TBC1D9: variants seen among roughly 807,000 people sequenced by gnomAD.
TBC1D9 encodes TBC1 domain family member 9A.
TBC1D9 carries 63 observed loss-of-function variants against 132.0 expected under a neutral mutation model. The ratio of observed to expected loss-of-function variants is 0.48; its 90% CI spans 0.39 to 0.59. The LOEUF (loss-of-function observed/expected upper bound fraction) is 0.59, where lower values mean the gene tolerates loss of function less well. Among genes scored for constraint, TBC1D9 ranks in the 20% least tolerant of loss-of-function variants. The pLI is 0.00. For missense variants in TBC1D9, 1,261 were observed against 1,592.7 expected (o/e 0.79, Z 3.54); for synonymous variants, 610 against 609.9 (o/e 1.00, Z 0.00).
rs533070514 is a variant in TBC1D9, at chr4:140,623,006, A to T, written c.3079-89T>A. On this transcript the variant is annotated intron_variant, in intron 20 of 20. Transcript: ENST00000442267. ...TGGACTGTAAAGCCATTTAAATGAG[A>T]ACGCCTAAAGATCCCTGGAAAGTCC... 14 of 1,407,242 alleles carry T rather than the reference A, an allele frequency of 9.9e-6. No homozygotes were observed. The South Asian group carries it at 2.1e-4, about 21-fold the overall frequency. The allele number at this position is 1,407,242 out of a possible 1,614,324, so 87.2% of individuals were successfully genotyped here. A position where few individuals can be genotyped will look rare whatever the true frequency, so the allele number is the denominator to read the frequency against.
intron 1 of TBC1D9, among the ~76,000 whole-genome samples, chr4:140,729,753 G>A (rs1011732546): frequency 7.1e-6 from 1 of 141,512 alleles, no homozygotes; most frequent in Non-Finnish European, 1.5e-5. Flanking sequence ...CCCGGAGGCA[G>A]AGGTTGCAAT....
At chr4:140,698,553 G>A (rs1238355915) in intron 2 of TBC1D9, among the ~76,000 whole-genome samples, 1 of 152,118 alleles carries the variant, frequency 6.6e-6, no homozygotes, top group African/African-American at 2.4e-5. Context: ...TTCGAGACCA[G>A]CCTGACCAAC....
chr4:140,704,574 T>A (rs982110680), intron 1 of TBC1D9, among the ~76,000 whole-genome samples: 1 of 151,928 alleles, frequency 6.6e-6, no homozygotes, highest in African/African-American at 2.4e-5. Flanking sequence ...ACAGGGGCAG[T>A]CCTGGTTCTA....
At chr4:140,689,636 T>C (rs1411325846) in intron 2 of TBC1D9, among the ~76,000 whole-genome samples, 2 of 15,764 alleles carry the variant, frequency 1.3e-4, no homozygotes, top group African/African-American at 2.7e-4. Context: ...TCCCTCCCCT[T>C]CCCTCTCCCC....
intron 1 of TBC1D9, among the ~76,000 whole-genome samples, chr4:140,725,769 C>T (rs1249336309): frequency 6.6e-6 from 1 of 152,002 alleles, no homozygotes; most frequent in Non-Finnish European, 1.5e-5. Context: ...TATGGAAAAA[C>T]CTTTTTGTAC....
In TBC1D9 at chr4:140,624,126, T is replaced by C. The variant is rs541388520; in HGVS notation, c.3068A>G (p.Lys1023Arg). Residue 1023 changes from lysine to arginine, a missense_variant, in exon 20 of 21, where the codon AAA becomes AGA. This residue lies in a region of TBC1D9 where 618 missense variants were observed against 724.4 expected (regional missense o/e 0.85). Transcript: ENST00000442267. ...ACTTTAAGCACTTACCTGATTTAAT[T>C]TGGGTAAATCCTTTGCATTCTTTGA... ...SKSKNAKDLPKLNQGQFIELC... is the reference protein window; with the variant it reads ...SKSKNAKDLPRLNQGQFIELC... 3.1e-6 allele frequency: 5 copies of C among 1,606,064 alleles called. No homozygotes were observed. The East Asian group carries it at 1.1e-4, about 36-fold the overall frequency.
At chr4:140,747,399 AG>A (rs1311903282) in intron 1 of TBC1D9, among the ~76,000 whole-genome samples, 1 of 152,102 alleles carries the variant, frequency 6.6e-6, no homozygotes, top group East Asian at 1.9e-4. Context: ...CACACTTATT[AG>A]GTGTGGGACC....
intron 2 of TBC1D9, among the ~76,000 whole-genome samples, chr4:140,700,060 G>A (rs1303506517): frequency 6.6e-6 from 1 of 152,126 alleles, no homozygotes; most frequent in African/African-American, 2.4e-5. Flanking sequence ...ACTTTGGGAA[G>A]CCAAAGCAGG....
chr4:140,666,119 G>T (rs1737440092), intron 9 of TBC1D9, among the ~76,000 whole-genome samples: 1 of 152,150 alleles, frequency 6.6e-6, no homozygotes, highest in Non-Finnish European at 1.5e-5. Context: ...ATAATATTTG[G>T]CCATAAAAAG....
intron 12 of TBC1D9, 29 bp downstream of exon 12, chr4:140,657,498 G>T: frequency 6.3e-7 from 1 of 1,580,598 alleles, no homozygotes; most frequent in East Asian, 2.2e-5. Context: ...AACCGGAGAT[G>T]GTTTTCAAAG....
chr4:140,748,430 A>G (rs1029496383), intron 1 of TBC1D9, among the ~76,000 whole-genome samples: 2 of 152,184 alleles, frequency 1.3e-5, no homozygotes, highest in Non-Finnish European at 2.9e-5. Context: ...AGGAAAGGCC[A>G]TATTTGGAGA....
intron 3 of TBC1D9, among the ~76,000 whole-genome samples, chr4:140,681,822 A>C (rs1369369682): frequency 6.6e-6 from 1 of 152,200 alleles, no homozygotes; most frequent in East Asian, 1.9e-4. Flanking sequence ...TTCCCAAGTC[A>C]ACCTTTCCAG....
At chr4:140,755,273 G>T (rs771677263) in intron 1 of TBC1D9, among the ~76,000 whole-genome samples, 1 of 152,164 alleles carries the variant, frequency 6.6e-6, no homozygotes, top group African/African-American at 2.4e-5. Flanking sequence ...TACCTTGAAG[G>T]GAGGGGGTTT....
intron 6 of TBC1D9, among the ~76,000 whole-genome samples, chr4:140,673,907 A>G (rs1385481748): frequency 6.6e-6 from 1 of 152,140 alleles, no homozygotes. Flanking sequence ...AACACCCGGG[A>G]GGGGGAAGCC....
intron 17 of TBC1D9, among the ~76,000 whole-genome samples, chr4:140,627,887 A>G (rs958742006): frequency 2.0e-4 from 30 of 152,182 alleles, no homozygotes; most frequent in African/African-American, 7.2e-4. Flanking sequence ...TGCCAATCTC[A>G]TCTCATTTTT....
chr4:140,648,863 A>T (rs1179809447), intron 13 of TBC1D9, among the ~76,000 whole-genome samples: 2 of 152,124 alleles, frequency 1.3e-5, no homozygotes, highest in Non-Finnish European at 2.9e-5. Context: ...TAGCTCAGAT[A>T]AAGCAATGAG....
chr4:140,695,957 A>C (rs1053458889), intron 2 of TBC1D9, among the ~76,000 whole-genome samples: 2 of 152,248 alleles, frequency 1.3e-5, no homozygotes, highest in African/African-American at 4.8e-5. Context: ...CAAACTATTA[A>C]GCATAATGCT....
chr4:140,688,673 G>C (rs565777804), intron 2 of TBC1D9, among the ~76,000 whole-genome samples: 5 of 152,148 alleles, frequency 3.3e-5, no homozygotes, highest in South Asian at 4.2e-4. Flanking sequence ...TGTGGAGAGA[G>C]AGAGACTCCA....
In TBC1D9 at chr4:140,622,619, AG is replaced by A; in HGVS notation, c.3376del (p.Gly1127GlufsTer24). On this transcript the variant is annotated frameshift_variant, in exon 21 of 21. Coordinates refer to ENST00000442267, the MANE Select transcript of TBC1D9 (RefSeq NM_015130.3). LOFTEE classifies it high-confidence loss of function. ...CTTGATGTCCTCCATTTGTCCTCCAAGGGAGTGTTCCTCGCTGTCGGGGGCC... is the reference window on the plus strand; with the variant it reads ...CTTGATGTCCTCCATTTGTCCTCCAAGGAGTGTTCCTCGCTGTCGGGGGCC... ...SLAPDSEEHS[L>X]GGQMEDIKLE... 6.2e-7 allele frequency: 1 copy of A among 1,613,424 alleles called. No individual in the cohort carries two copies. The highest frequency in any genetic ancestry group is 1.1e-5 in the South Asian group (1 of 91,048).
Sources: allele counts gnomAD v4.1 joint callset (sites outside exome capture counted in the v4.1 genomes callset), GRCh38; gene constraint gnomAD v4.1.1; regional missense constraint gnomAD v4.1.1; transcripts MANE v1.5; gene names NCBI Gene and HGNC (gene_info 2026-07-23, HGNC 2026-07-21).